FERMT2: variants seen among roughly 807,000 people sequenced by gnomAD.
The protein encoded by FERMT2 is fermitin family homolog 2.
A neutral mutation model predicts 82.7 loss-of-function variants in FERMT2; 15 were observed. The ratio of observed to expected loss-of-function variants is 0.18; its 90% CI spans 0.12 to 0.28. The LOEUF is 0.28. Ranked by LOEUF, FERMT2 falls within the 10% of genes least tolerant of loss-of-function variation. The pLI is 1.00. For missense variants in FERMT2, 645 were observed against 809.4 expected (o/e 0.80, Z 2.46); for synonymous variants, 274 against 271.5 (o/e 1.01, Z -0.09).
intron 2 of FERMT2, among the ~76,000 whole-genome samples, chr14:52,925,359 A>T (rs1001097709): frequency 6.6e-6 from 1 of 152,056 alleles, no homozygotes; most frequent in African/African-American, 2.4e-5. Context: ...GGAGTTTGAG[A>T]CCAGCCTGGC....
chr14:52,903,213 C>T lies in FERMT2; in HGVS notation c.392-9786G>A, dbSNP rs865904724. On this transcript the variant is annotated intron_variant, in intron 3 of 14. Transcript: ENST00000341590. Reference sequence around the variant, plus strand: ...AAAGTTTCCAGTGAGAAAAGGCAGTCTACAAAGAAGATTAAAAATAAAAAT... The same window carrying T: ...AAAGTTTCCAGTGAGAAAAGGCAGTTTACAAAGAAGATTAAAAATAAAAAT... 2.6e-4 allele frequency among the ~76,000 whole-genome samples: 39 copies of T among 151,970 alleles called. No individual in the cohort carries two copies. In the Middle Eastern group the frequency reaches 0.01, roughly 40 times the overall value.
At chr14:52,950,132 T>A (rs921323910) in intron 2 of FERMT2, among the ~76,000 whole-genome samples, 1 of 152,066 alleles carries the variant, frequency 6.6e-6, no homozygotes, top group African/African-American at 2.4e-5. Context: ...AATTAACGAG[T>A]TCCCCGGCAC....
intron 4 of FERMT2, among the ~76,000 whole-genome samples, chr14:52,885,213 T>C (rs1886524380): frequency 7.0e-6 from 1 of 142,412 alleles, no homozygotes; most frequent in Admixed American, 7.8e-5. Context: ...CTCAGGAGGC[T>C]GAGGCAGGAG....
chr14:52,859,733 G>GAAAGGTTAAA lies in FERMT2; in HGVS notation c.1728-20_1728-19insTTTAACCTTT. On this transcript the variant is annotated intron_variant, in intron 13 of 14. Coordinates refer to ENST00000341590, the MANE Select transcript of FERMT2 (RefSeq NM_006832.3). Reference sequence around the variant, plus strand: ...TTGGAACCTATAACATTTAAGAAAAGAACGGTTAAAAACATGTTGTGGGGG... The same window carrying GAAAGGTTAAA: ...TTGGAACCTATAACATTTAAGAAAAGAAAGGTTAAAAACGGTTAAAAACATGTTGTGGGGG... 4 of 1,500,750 alleles carry GAAAGGTTAAA rather than the reference G, an allele frequency of 2.7e-6. No individual in the cohort carries two copies. The highest frequency in any genetic ancestry group is 3.6e-6 in the Non-Finnish European group (4 of 1,102,072). 93.0% of individuals were successfully genotyped at this position (1,500,750 alleles called of 1,614,324 possible).
intron 2 of FERMT2, among the ~76,000 whole-genome samples, chr14:52,921,484 C>T (rs1888953884): frequency 6.6e-6 from 1 of 152,186 alleles, no homozygotes; most frequent in Non-Finnish European, 1.5e-5. Context: ...ACCCTACTTT[C>T]TAGCACAGAA....
Position 52,881,463 on chromosome 14 carries a change from A to G in FERMT2, c.533T>C (p.Ile178Thr). 2 of 1,600,434 alleles carry G rather than the reference A, an allele frequency of 1.2e-6. No homozygotes were observed. Among genetic ancestry groups the G allele is most frequent in the East Asian group, 2.2e-5 (1 of 44,666 alleles). The change falls in exon 5 of 15, where the codon ATA (isoleucine) becomes ACA (threonine). Residue 178 changes from isoleucine to threonine, a missense_variant. Coordinates refer to ENST00000341590, the MANE Select transcript of FERMT2 (RefSeq NM_006832.3). ...ACTATACAGTCCTGGGCTTGAATAT[A>G]TACTTCCTAATAAGTAACATGAAAA... ...GPLITPGSGSIYSSPGLYSKT... is the reference protein window; with the variant it reads ...GPLITPGSGSTYSSPGLYSKT...
intron 10 of FERMT2, among the ~76,000 whole-genome samples, chr14:52,866,630 C>T (rs1885296911): frequency 6.6e-6 from 1 of 152,164 alleles, no homozygotes; most frequent in South Asian, 2.1e-4. Flanking sequence ...GGATACCAAC[C>T]TCAGCTGGGC....
At chr14:52,874,693 C>T (rs1367749673) in intron 8 of FERMT2, among the ~76,000 whole-genome samples, 1 of 152,130 alleles carries the variant, frequency 6.6e-6, no homozygotes, top group Admixed American at 6.6e-5. Flanking sequence ...AGATTATTTT[C>T]CTCTGCAGAA....
intron 3 of FERMT2, among the ~76,000 whole-genome samples, chr14:52,896,393 T>C (rs572751472): frequency 7.4e-4 from 113 of 152,312 alleles, no homozygotes; most frequent in Non-Finnish European, 9.4e-4. Flanking sequence ...CAACCCAATA[T>C]TATAAATTCA....
At chr14:52,948,909 T>C (rs1890484354) in intron 2 of FERMT2, among the ~76,000 whole-genome samples, 1 of 152,236 alleles carries the variant, frequency 6.6e-6, no homozygotes, top group Non-Finnish European at 1.5e-5. Context: ...CTTGTTTTCT[T>C]TGAAAACAAA....
chr14:52,945,950 C>A (rs1890331900), intron 2 of FERMT2, among the ~76,000 whole-genome samples: 1 of 152,242 alleles, frequency 6.6e-6, no homozygotes, highest in South Asian at 2.1e-4. Flanking sequence ...TATCTCGGCT[C>A]ATTGCAACCT....
rs535019117 is a variant in FERMT2, at chr14:52,906,528, T to C, written c.391+12595A>G. Among the ~76,000 whole-genome samples, 9 of 133,898 alleles carry C rather than the reference T, an allele frequency of 6.7e-5. No individual in the cohort carries two copies. The East Asian group carries it at 1.1e-3, about 16-fold the overall frequency. 87.8% of individuals were successfully genotyped at this position (133,898 alleles called of 152,430 possible). Reference sequence around the variant, plus strand: ...AGCCACTATGACGCATAATGACACATAGTCAGGAGTAAAGGGTGGGGGTGG... The same window carrying C: ...AGCCACTATGACGCATAATGACACACAGTCAGGAGTAAAGGGTGGGGGTGG... On this transcript the variant is annotated intron_variant, in intron 3 of 14. Transcript: ENST00000341590.
chr14:52,936,680 T>C (rs1262707384), intron 2 of FERMT2, among the ~76,000 whole-genome samples: 1 of 152,132 alleles, frequency 6.6e-6, no homozygotes, highest in Non-Finnish European at 1.5e-5. Context: ...ATCCTATCCC[T>C]TACCCACATC....
chr14:52,867,993 G>A (rs778555250), intron 10 of FERMT2, among the ~76,000 whole-genome samples: 17 of 151,982 alleles, frequency 1.1e-4, no homozygotes, highest in Non-Finnish European at 2.1e-4. Flanking sequence ...ACCATAACTG[G>A]TATAAATATG....
rs199890407 is a variant in FERMT2 at position 52,893,417 on chromosome 14, G to C, written c.402C>G (p.His134Gln). The C allele has an allele frequency of 1.3e-6, 2 of 1,599,162 alleles. No individual in the cohort carries two copies. The highest frequency in any genetic ancestry group is 1.1e-5 in the South Asian group (1 of 87,974). ...SDICKTFNIRHPEELSLLKKP... is the reference protein window; with the variant it reads ...SDICKTFNIRQPEELSLLKKP... ...TCTTTAAGAGAGAAAGTTCTTCGGG[G>C]TGTCTGATATCTGTTAATAAAATAG... Residue 134 changes from histidine (H) to glutamine (Q), a missense_variant, in exon 4 of 15, where the codon CAC becomes CAG. By Grantham distance (24) the His-to-Gln change is conservative. Coordinates refer to ENST00000341590, the MANE Select transcript of FERMT2 (RefSeq NM_006832.3).
intron 12 of FERMT2, chr14:52,862,848 G>C (rs1885039259): frequency 6.6e-6 from 1 of 152,184 alleles, no homozygotes; most frequent in South Asian, 2.1e-4. Flanking sequence ...TCAGTTGATA[G>C]TTTCTAGTCA....
intron 12 of FERMT2, chr14:52,860,677 T>A (rs1255920253): frequency 3.5e-6 from 2 of 575,540 alleles, no homozygotes; most frequent in East Asian, 6.0e-5. Flanking sequence ...TTTTCATATA[T>A]CAACAAAAAG....
In FERMT2 at chr14:52,881,096, C is replaced by T; in HGVS notation, c.795G>A (p.Lys265=). ...SSRSLMEQDV[K]ENEALLLRFK... ...ATCGGAGCAGCAAGGCCTCATTTTCCTTCACATCTTGTTCCATGAGAGATC... is the reference window on the plus strand; with the variant it reads ...ATCGGAGCAGCAAGGCCTCATTTTCTTTCACATCTTGTTCCATGAGAGATC... The change falls in exon 6 of 15, where the codon AAG becomes AAA. Residue 265 remains lysine (K), a synonymous_variant. Transcript: ENST00000341590. 3.7e-6 allele frequency: 6 copies of T among 1,613,714 alleles called. No individual in the cohort carries two copies. Among genetic ancestry groups the T allele is most frequent in the Non-Finnish European group, 5.1e-6 (6 of 1,179,892 alleles).
chr14:52,859,747 A>C (rs1347665481), intron 13 of FERMT2, 33 bp from the exon 14 acceptor site: 1 of 1,383,426 alleles, frequency 7.2e-7, no homozygotes, highest in Non-Finnish European at 1.0e-6. Flanking sequence ...GGTTAAAAAC[A>C]TGTTGTGGGG....
Sources: allele counts gnomAD v4.1 joint callset (sites outside exome capture counted in the v4.1 genomes callset), GRCh38; gene constraint gnomAD v4.1.1; transcripts MANE v1.5; gene names NCBI Gene and HGNC (gene_info 2026-07-23, HGNC 2026-07-21).